The following OSBP2 variants were observed in gnomAD, a reference collection of about 807,000 sequenced individuals.
OSBP2 encodes oxysterol-binding protein 2.
OSBP2 carries 66 observed loss-of-function variants against 96.0 expected under a neutral mutation model. That is an observed-to-expected ratio of 0.69 (90% CI 0.56 to 0.84). OSBP2 has a LOEUF of 0.84. OSBP2 is among the 40% of genes least tolerant of loss of function. The probability of loss-of-function intolerance (pLI) is 0.00; values close to 1 mark genes in which losing one functional copy is unlikely to be tolerated. For missense variants in OSBP2, 1,038 were observed against 1,222.7 expected (o/e 0.85, Z 2.25); for synonymous variants, 525 against 520.9 (o/e 1.01, Z -0.11).
intron 2 of OSBP2, chr22:30,770,821 C>G (rs2090337699): frequency 6.5e-6 from 1 of 153,280 alleles, no homozygotes; most frequent in Non-Finnish European, 1.5e-5. Context: ...TGCCCTGGCT[C>G]TTGCCTGGCT....
intron 3 of OSBP2, among the ~76,000 whole-genome samples, chr22:30,879,760 A>C (rs754905121): frequency 2.0e-5 from 3 of 152,198 alleles, no homozygotes; most frequent in African/African-American, 4.8e-5. Flanking sequence ...TCTTGTGTAA[A>C]GTGAAGCCAA....
intron 2 of OSBP2, among the ~76,000 whole-genome samples, chr22:30,826,388 T>TC (rs1341599326): frequency 1.3e-5 from 2 of 152,160 alleles, no homozygotes; most frequent in Non-Finnish European, 2.9e-5. Context: ...GGGCCTAGCC[T>TC]CATAGCATGC....
chr22:30,722,713 TTTTC>T (rs1046998565), intron 1 of OSBP2, among the ~76,000 whole-genome samples: 2 of 151,498 alleles, frequency 1.3e-5, no homozygotes, highest in Admixed American at 6.6e-5. Context: ...TCTTTCTCTT[TTTTC>T]TTTCTTTCTC....
intron 1 of OSBP2, among the ~76,000 whole-genome samples, chr22:30,719,074 C>T (rs993121943): frequency 6.6e-6 from 1 of 152,134 alleles, no homozygotes; most frequent in Non-Finnish European, 1.5e-5. Flanking sequence ...CTTCTAGAGA[C>T]GGGATTAGAG....
intron 1 of OSBP2, among the ~76,000 whole-genome samples, chr22:30,706,612 C>T (rs967902481): frequency 6.6e-6 from 1 of 152,176 alleles, no homozygotes; most frequent in East Asian, 1.9e-4. Flanking sequence ...TCCCTGGGCT[C>T]ACCAGATGAA....
intron 1 of OSBP2, among the ~76,000 whole-genome samples, chr22:30,703,979 C>A (rs908515199): frequency 2.6e-5 from 4 of 152,132 alleles, no homozygotes; most frequent in Non-Finnish European, 5.9e-5. Context: ...GCTGATCTTG[C>A]CATCCTGTTA....
intron 2 of OSBP2, among the ~76,000 whole-genome samples, chr22:30,828,840 C>T (rs2038460190): frequency 6.6e-6 from 1 of 152,102 alleles, no homozygotes. Flanking sequence ...ATTGGCTATG[C>T]AGAAGTCCCC....
At chr22:30,717,173 A>T (rs1482115082) in intron 1 of OSBP2, among the ~76,000 whole-genome samples, 2 of 139,946 alleles carry the variant, frequency 1.4e-5, no homozygotes, top group African/African-American at 2.7e-5. Context: ...CTGATCTTGA[A>T]CTCCTGGCCT....
At chr22:30,782,265 A>G (rs1274998041) in intron 2 of OSBP2, among the ~76,000 whole-genome samples, 1 of 152,242 alleles carries the variant, frequency 6.6e-6, no homozygotes, top group Non-Finnish European at 1.5e-5. Flanking sequence ...CACATTCATC[A>G]TTCCAAATTC....
chr22:30,776,676 G>C (rs943636677), intron 2 of OSBP2, among the ~76,000 whole-genome samples: 4 of 151,944 alleles, frequency 2.6e-5, no homozygotes, highest in East Asian at 1.9e-4. Flanking sequence ...GCTGGGTCAA[G>C]TGCATGCTTC....
chr22:30,887,346 G>T, intron 3 of OSBP2, 80 bp from the exon 4 acceptor site: 1 of 1,223,074 alleles, frequency 8.2e-7, no homozygotes. Context: ...TTAAGGTGGA[G>T]TTGCTCTGGT....
At chr22:30,806,168 C>G (rs1443068921) in intron 2 of OSBP2, among the ~76,000 whole-genome samples, 1 of 152,178 alleles carries the variant, frequency 6.6e-6, no homozygotes, top group Admixed American at 6.5e-5. Flanking sequence ...TCAGACAGGT[C>G]GCAGTGCCCA....
chr22:30,824,328 G>A (rs530125407), intron 2 of OSBP2, among the ~76,000 whole-genome samples: 11 of 152,300 alleles, frequency 7.2e-5, no homozygotes, highest in Middle Eastern at 3.4e-3. Flanking sequence ...TTGCTGCACC[G>A]GAGGGAGGAG....
chr22:30,872,423 G>A (rs778520893), intron 3 of OSBP2: 19 of 455,236 alleles, frequency 4.2e-5, no homozygotes, highest in South Asian at 2.2e-4. Context: ...GCTGGCTGCC[G>A]TCTTGCACAG....
intron 1 of OSBP2, among the ~76,000 whole-genome samples, chr22:30,738,959 C>G (rs2089895771): frequency 6.6e-6 from 1 of 152,160 alleles, no homozygotes; most frequent in Non-Finnish European, 1.5e-5. Context: ...AATAAATGAG[C>G]ATTAAAAGGT....
At chr22:30,876,607 C>T (rs529250159) in intron 3 of OSBP2, among the ~76,000 whole-genome samples, 16 of 152,358 alleles carry the variant, frequency 1.1e-4, no homozygotes, top group African/African-American at 3.6e-4. Context: ...TTGCGTCTTC[C>T]TGCCCTGGTG....
At chr22:30,840,804 G>A (rs1178717265) in intron 2 of OSBP2, among the ~76,000 whole-genome samples, 1 of 151,074 alleles carries the variant, frequency 6.6e-6, no homozygotes, top group Non-Finnish European at 1.5e-5. Context: ...ATACATGCTA[G>A]TTTTAGTGTT....
intron 12 of OSBP2, among the ~76,000 whole-genome samples, chr22:30,896,558 A>G (rs971024250): frequency 6.6e-6 from 1 of 152,142 alleles, no homozygotes; most frequent in Non-Finnish European, 1.5e-5. Flanking sequence ...AATTAACATG[A>G]TAGCAATAGG....
Position 30,870,752 on chromosome 22 carries a change from A to C in OSBP2, c.1107+70A>C. 6.5e-7 allele frequency: 1 copy of C among 1,532,368 alleles called. No individual in the cohort carries two copies. The highest frequency in any genetic ancestry group is 8.9e-7 in the Non-Finnish European group (1 of 1,123,562). 94.9% of individuals were successfully genotyped at this position (1,532,368 alleles called of 1,614,324 possible). A position where few individuals can be genotyped will look rare whatever the true frequency, so the allele number is the denominator to read the frequency against. On this transcript the variant is annotated intron_variant, in intron 3 of 13. Transcript: ENST00000332585. The surrounding 1 kb of genome is among the most constrained non-coding windows in gnomAD (Gnocchi z 4.1). ...CAGCCCCGGGGTCCCTCGGTGGGTG[A>C]CCAGGGTCAGCTTGAAGGGTCAGCG...
Sources: allele counts gnomAD v4.1 joint callset (sites outside exome capture counted in the v4.1 genomes callset), GRCh38; gene constraint gnomAD v4.1.1; non-coding constraint Gnocchi (gnomAD v3.1); transcripts MANE v1.5; gene names NCBI Gene and HGNC (gene_info 2026-07-23, HGNC 2026-07-21).